Variants in PTPRM observed in about 807,000 individuals in gnomAD.
The protein encoded by PTPRM is receptor-type tyrosine-protein phosphatase mu.
Under a neutral mutation model 186.7 loss-of-function variants are expected in PTPRM, and 47 were observed. That is an observed-to-expected ratio of 0.25 (90% CI 0.20 to 0.32). The LOEUF (loss-of-function observed/expected upper bound fraction) is 0.32. PTPRM is among the 10% of genes least tolerant of loss of function. PTPRM has a pLI of 1.00. For synonymous variants in PTPRM, 668 were observed against 674.9 expected, an observed-to-expected ratio of 0.99 and a Z score of 0.16; for missense variants, 1,494 against 1,865.0, an observed-to-expected ratio of 0.80 and a Z score of 3.66.
chr18:8,025,387 A>C (rs958846208), intron 7 of PTPRM, among the ~76,000 whole-genome samples: 2 of 152,172 alleles, frequency 1.3e-5, no homozygotes, highest in Admixed American at 1.3e-4. Flanking sequence ...AGAGACATAA[A>C]GGTTATGACT....
chr18:8,288,936 C>A (rs888254736), intron 19 of PTPRM, among the ~76,000 whole-genome samples: 1 of 152,186 alleles, frequency 6.6e-6, no homozygotes, highest in Admixed American at 6.5e-5. Context: ...TGAACTGGCT[C>A]ATTCCATAAA....
chr18:7,927,948 C>T (rs943161693), intron 5 of PTPRM, among the ~76,000 whole-genome samples: 3 of 151,974 alleles, frequency 2.0e-5, no homozygotes, highest in African/African-American at 7.3e-5. Flanking sequence ...TCCCTTGTTG[C>T]CCAGTCTGGT....
At chr18:7,956,875 G>A (rs974117693) in intron 7 of PTPRM, among the ~76,000 whole-genome samples, 1 of 152,210 alleles carries the variant, frequency 6.6e-6, no homozygotes, top group Non-Finnish European at 1.5e-5. Context: ...TTTCAAATCT[G>A]TTATTTTACC....
At chr18:7,964,130 A>G (rs1195928403) in intron 7 of PTPRM, among the ~76,000 whole-genome samples, 1 of 152,184 alleles carries the variant, frequency 6.6e-6, no homozygotes, top group Non-Finnish European at 1.5e-5. Context: ...GAGAGGTTAT[A>G]TTTTATGATC....
At chr18:8,174,605 G>A (rs1436326737) in intron 14 of PTPRM, among the ~76,000 whole-genome samples, 2 of 152,130 alleles carry the variant, frequency 1.3e-5, no homozygotes, top group East Asian at 1.9e-4. Flanking sequence ...AGTAAGAGGC[G>A]AGGGAAATCT....
chr18:8,144,968 G>A (rs2092847759), intron 14 of PTPRM, among the ~76,000 whole-genome samples: 1 of 152,166 alleles, frequency 6.6e-6, no homozygotes, highest in African/African-American at 2.4e-5. Context: ...CTCTGATCTG[G>A]TCATGGAAGG....
At chr18:7,963,031 A>G (rs1242348661) in intron 7 of PTPRM, among the ~76,000 whole-genome samples, 1 of 152,244 alleles carries the variant, frequency 6.6e-6, no homozygotes, top group Non-Finnish European at 1.5e-5. Context: ...TAATTCTAAA[A>G]CAGTTCTGCC....
chr18:7,932,936 A>T (rs1374990155), intron 5 of PTPRM, among the ~76,000 whole-genome samples: 1 of 152,198 alleles, frequency 6.6e-6, no homozygotes, highest in Non-Finnish European at 1.5e-5. Flanking sequence ...GTGGTCCGAA[A>T]ATGTCAAATG....
At chr18:7,606,562 T>G (rs150929590) in intron 1 of PTPRM, among the ~76,000 whole-genome samples, 79 of 152,330 alleles carry the variant, frequency 5.2e-4, no homozygotes, top group African/African-American at 1.9e-3. Flanking sequence ...AGGGTAAATA[T>G]TCCTCTGTAT....
At chr18:7,654,667 T>C (rs1447674280) in intron 1 of PTPRM, among the ~76,000 whole-genome samples, 1 of 152,222 alleles carries the variant, frequency 6.6e-6, no homozygotes, top group Admixed American at 6.5e-5. Flanking sequence ...CTTCTGCATA[T>C]GGCTAGTCAG....
chr18:8,042,303 C>T (rs1406205181), intron 7 of PTPRM, among the ~76,000 whole-genome samples: 1 of 152,036 alleles, frequency 6.6e-6, no homozygotes, highest in Non-Finnish European at 1.5e-5. Flanking sequence ...GTTAAAAATT[C>T]TTCACTTGAC....
chr18:7,737,349 C>A (rs983904657), intron 1 of PTPRM, among the ~76,000 whole-genome samples: 1 of 152,204 alleles, frequency 6.6e-6, no homozygotes, highest in Admixed American at 6.5e-5. Context: ...CCTGCCTCGG[C>A]CTCCCAAAGT....
intron 17 of PTPRM, chr18:8,248,409 T>A (rs2094497770): frequency 1.7e-6 from 1 of 596,902 alleles, no homozygotes; most frequent in Admixed American, 2.6e-5. Flanking sequence ...ACCAACAGGT[T>A]CAAATGAACA....
rs1365291221 is a variant in PTPRM, at chr18:7,772,391, CTTTCTTTCTTTCTTTCTTTCTTTT to C, written c.74-1757_74-1734del. On this transcript the variant is annotated intron_variant, in intron 1 of 32. Transcript: ENST00000580170. The stretch of plus-strand genomic sequence containing the variant: ...TCTTTCTTTCTTTCTTTCTTTCTTT[CTTTCTTTCTTTCTTTCTTTCTTTT>C]CTTTCTTTCTCCCTTCCCCTTCCCC... 8.5e-5 allele frequency among the ~76,000 whole-genome samples: 9 copies of C among 106,312 alleles called. No individual in the cohort carries two copies. In the East Asian group the frequency reaches 2.7e-3, roughly 32 times the overall value. The allele number at this position is 106,312 out of a possible 152,430, so 69.7% of individuals were successfully genotyped here. A position where few individuals can be genotyped will look rare whatever the true frequency, so the allele number is the denominator to read the frequency against.
chr18:8,021,460 G>A (rs556857613), intron 7 of PTPRM, among the ~76,000 whole-genome samples: 16 of 151,492 alleles, frequency 1.1e-4, no homozygotes, highest in Non-Finnish European at 2.1e-4. Context: ...CTATCAACCC[G>A]TCATCTAGAT....
chr18:7,725,669 T>A (rs1003319388), intron 1 of PTPRM, among the ~76,000 whole-genome samples: 6 of 152,004 alleles, frequency 3.9e-5, no homozygotes, highest in African/African-American at 1.5e-4. Context: ...GAGGGACAGT[T>A]TGATGATGTT....
At chr18:8,282,389 G>A (rs1037616733) in intron 19 of PTPRM, among the ~76,000 whole-genome samples, 24 of 152,318 alleles carry the variant, frequency 1.6e-4, no homozygotes, top group East Asian at 1.2e-3. Context: ...GATGCCAGGC[G>A]TAGTGGCTTA....
At chr18:7,577,366 A>G (rs2036714869) in intron 1 of PTPRM, among the ~76,000 whole-genome samples, 1 of 152,238 alleles carries the variant, frequency 6.6e-6, no homozygotes, top group Admixed American at 6.5e-5. Context: ...ACTATGCAGT[A>G]GATTTATCAT....
At chr18:8,147,978 A>AT (rs1045256246) in intron 14 of PTPRM, among the ~76,000 whole-genome samples, 9 of 152,214 alleles carry the variant, frequency 5.9e-5, no homozygotes, top group Admixed American at 2.0e-4. Context: ...CCAGCCTTGC[A>AT]TCCCAGGGAT....
Sources: gnomAD v4.1 joint callset for allele counts (sites outside exome capture counted in the v4.1 genomes callset) on GRCh38, gnomAD v4.1.1 for gene constraint, MANE v1.5 for transcripts, NCBI Gene and HGNC (gene_info 2026-07-23, HGNC 2026-07-21) for gene names.